Variants in DPP10 observed in about 807,000 individuals in gnomAD.
DPP10 encodes the protein dipeptidyl peptidase like 10, also known as inactive dipeptidyl peptidase 10.
A neutral mutation model predicts 120.9 loss-of-function variants in DPP10; 33 were observed. That is an observed-to-expected ratio of 0.27 (90% CI 0.21 to 0.37). The LOEUF is 0.37. DPP10 is among the 10% of genes least tolerant of loss of function. DPP10 has a pLI of 1.00. For missense variants in DPP10, 816 were observed against 942.8 expected, an observed-to-expected ratio of 0.87 and a Z score of 1.76; for synonymous variants, 337 against 326.1, an observed-to-expected ratio of 1.03 and a Z score of -0.36.
At chr2:115,366,374 A>G (rs1485966656) in intron 3 of DPP10, among the ~76,000 whole-genome samples, 1 of 152,078 alleles carries the variant, frequency 6.6e-6, no homozygotes, top group African/African-American at 2.4e-5. Context: ...TTTTGGTTCT[A>G]TGAATATCTC....
chr2:114,971,048 TAACTC>T lies in DPP10; in HGVS notation c.61-338189_61-338185del, dbSNP rs1699356708. ...TTTTGTAACATGTGTTTTATAAACA[TAACTC>T]AGCTCAATACATACCCGATTGAAAT... is the stretch of plus-strand genomic sequence containing the variant. On this transcript the variant is annotated intron_variant, in intron 1 of 25. Coordinates refer to ENST00000410059, the MANE Select transcript of DPP10 (RefSeq NM_020868.6). 2.6e-5 allele frequency among the ~76,000 whole-genome samples: 4 copies of T among 152,302 alleles called. No individual in the cohort carries two copies. In the South Asian group the frequency reaches 8.3e-4, roughly 32 times the overall value.
chr2:115,354,250 G>T (rs532733445), intron 3 of DPP10, among the ~76,000 whole-genome samples: 1 of 152,194 alleles, frequency 6.6e-6, no homozygotes, highest in Non-Finnish European at 1.5e-5. Flanking sequence ...GCTGAATTTT[G>T]CTGTATGATT....
intron 1 of DPP10, among the ~76,000 whole-genome samples, chr2:114,983,913 A>C (rs1276662072): frequency 6.6e-6 from 1 of 152,184 alleles, no homozygotes; most frequent in East Asian, 1.9e-4. Flanking sequence ...CTATGGTTTA[A>C]CCCCAGATAT....
intron 3 of DPP10, among the ~76,000 whole-genome samples, chr2:115,445,570 G>A (rs1049107082): frequency 4.6e-5 from 7 of 152,122 alleles, no homozygotes; most frequent in African/African-American, 4.8e-5. Context: ...AGATACTGGT[G>A]GAGTTTTGTC....
At chr2:114,510,424 C>T (rs867693706) in intron 1 of DPP10, among the ~76,000 whole-genome samples, 17 of 151,888 alleles carry the variant, frequency 1.1e-4, no homozygotes, top group Non-Finnish European at 7.4e-5. Flanking sequence ...ACCAACATGG[C>T]GAAAACCTGT....
chr2:115,087,902 G>C (rs980387235), intron 1 of DPP10, among the ~76,000 whole-genome samples: 25 of 152,058 alleles, frequency 1.6e-4, no homozygotes, highest in African/African-American at 6.0e-4. Context: ...GCTGTCAGGT[G>C]GTGTCTTGGT....
At chr2:115,439,469 T>C (rs2104851082) in intron 3 of DPP10, among the ~76,000 whole-genome samples, 1 of 152,372 alleles carries the variant, frequency 6.6e-6, no homozygotes, top group South Asian at 2.1e-4. Context: ...AAAATGATCA[T>C]TTTATGTTAC....
intron 5 of DPP10, among the ~76,000 whole-genome samples, chr2:115,655,865 C>A (rs1368960364): frequency 1.3e-5 from 2 of 151,376 alleles, no homozygotes; most frequent in African/African-American, 4.8e-5. Context: ...AGGAGGAAGA[C>A]TGAATGAGAA....
At chr2:115,631,656 A>G (rs1039931759) in intron 5 of DPP10, among the ~76,000 whole-genome samples, 23 of 152,054 alleles carry the variant, frequency 1.5e-4, no homozygotes, top group Non-Finnish European at 5.9e-5. Context: ...GTATGCCTTA[A>G]TTTCATTATT....
At chr2:114,464,283 A>G (rs1048411033) in intron 1 of DPP10, among the ~76,000 whole-genome samples, 2 of 152,150 alleles carry the variant, frequency 1.3e-5, no homozygotes, top group Non-Finnish European at 2.9e-5. Flanking sequence ...TTAAGATTTC[A>G]GTCATTCTAA....
chr2:115,595,049 C>T (rs2082904391), intron 5 of DPP10, among the ~76,000 whole-genome samples: 1 of 151,952 alleles, frequency 6.6e-6, no homozygotes, highest in South Asian at 2.1e-4. Context: ...ATCTAAAAAG[C>T]TAATGAGGTC....
At chr2:115,187,127 C>T (rs143223547) in intron 1 of DPP10, among the ~76,000 whole-genome samples, 1 of 146,690 alleles carries the variant, frequency 6.8e-6, no homozygotes, top group Non-Finnish European at 1.5e-5. Context: ...AGCTCCGCTT[C>T]CCGGGTTCAC....
intron 4 of DPP10, among the ~76,000 whole-genome samples, chr2:115,512,823 C>T (rs1375149): frequency 0.21 from 31,700 of 151,842 alleles, 3,879 homozygotes; most frequent in East Asian, 0.39. Flanking sequence ...ATGATCTCAC[C>T]TAGAAAATAT....
At chr2:115,031,543 GCAGATTGAATATTAAAAAATAAA>G (rs1703841936) in intron 1 of DPP10, among the ~76,000 whole-genome samples, 1 of 152,078 alleles carries the variant, frequency 6.6e-6, no homozygotes, top group South Asian at 2.1e-4. Context: ...TCTTCTGCAT[GCAGATTGAATATTAAAAAATAAA>G]CAGCTTCACA....
intron 19 of DPP10, among the ~76,000 whole-genome samples, chr2:115,804,428 A>C (rs1685660243): frequency 6.6e-6 from 1 of 151,962 alleles, no homozygotes; most frequent in African/African-American, 2.4e-5. Context: ...TCCTCTCTCA[A>C]CTTGTCAAAG....
chr2:115,582,782 C>CA (rs932043484), intron 5 of DPP10, among the ~76,000 whole-genome samples: 4 of 151,860 alleles, frequency 2.6e-5, no homozygotes, highest in Admixed American at 1.3e-4. Flanking sequence ...TACCACATTC[C>CA]AAAAAAATGT....
At chr2:115,213,722 C>T (rs2056654402) in intron 1 of DPP10, among the ~76,000 whole-genome samples, 1 of 151,866 alleles carries the variant, frequency 6.6e-6, no homozygotes, top group African/African-American at 2.4e-5. Flanking sequence ...ATGCTTAATC[C>T]CAAATGATAC....
At chr2:115,597,506 G>GA (rs552340037) in intron 5 of DPP10, among the ~76,000 whole-genome samples, 4 of 149,584 alleles carry the variant, frequency 2.7e-5, no homozygotes, top group Non-Finnish European at 4.4e-5. Context: ...TCCAAAAAGA[G>GA]AAAAAACATA....
At chr2:115,323,158 T>C (rs963104131) in intron 2 of DPP10, among the ~76,000 whole-genome samples, 3 of 152,228 alleles carry the variant, frequency 2.0e-5, no homozygotes, top group Non-Finnish European at 4.4e-5. Context: ...TCTCAAATCC[T>C]ACTTCTTTAT....
Sources: gnomAD v4.1 joint callset for allele counts (sites outside exome capture counted in the v4.1 genomes callset) on GRCh38, gnomAD v4.1.1 for gene constraint, MANE v1.5 for transcripts, NCBI Gene and HGNC (gene_info 2026-07-23, HGNC 2026-07-21) for gene names.